Variants in LPAR4 observed in about 807,000 individuals in gnomAD.
The protein encoded by LPAR4 is lysophosphatidic acid receptor 4, also known as G-protein coupled receptor 23.
In LPAR4, 14 loss-of-function variants were observed where a neutral mutation model predicts 9.2. The observed-to-expected ratio is 1.51, with a 90% confidence interval of 1.00 to 2.37. LPAR4 has a LOEUF of 2.37. Among genes scored for constraint, LPAR4 ranks in the 30% most tolerant of loss-of-function variants. The probability of loss-of-function intolerance (pLI) is 0.00; values close to 1 mark genes in which losing one functional copy is unlikely to be tolerated. For missense variants in LPAR4, 251 were observed against 272.1 expected, an observed-to-expected ratio of 0.92 and a Z score of 0.55; for synonymous variants, 131 against 97.9, an observed-to-expected ratio of 1.34 and a Z score of -1.99.
intron 4 of LPAR4, among the ~76,000 whole-genome samples, chrX:78,753,094 C>T (rs188203310): frequency 8.9e-6 from 1 of 111,817 alleles, no homozygotes; most frequent in South Asian, 3.8e-4. Context: ...CACTCTCTGA[C>T]ACCCTTAGGT....
At chrX:78,748,773 G>T (rs932734513) in intron 1 of LPAR4, among the ~76,000 whole-genome samples, 1 of 111,614 alleles carries the variant, frequency 9.0e-6, no homozygotes, top group Non-Finnish European at 1.9e-5. Context: ...TTCAGAGCTT[G>T]GTGGGGTTAT....
At chrX:78,750,813 A>C (rs1284911847) in intron 3 of LPAR4, 21 bp downstream of exon 3, 4 of 111,057 alleles carry the variant, frequency 3.6e-5, no homozygotes, top group Non-Finnish European at 7.6e-5. Flanking sequence ...GCCAAAACAA[A>C]ATTCTCCTTT....
chrX:78,749,226 C>T (rs1257039543), intron 1 of LPAR4: 2 of 111,875 alleles, frequency 1.8e-5, no homozygotes, highest in Non-Finnish European at 3.8e-5. Context: ...GTTGCCCTTG[C>T]TGTGGTTTGT....
In LPAR4 at chrX:78,755,695, C is replaced by A; in HGVS notation, c.826C>A (p.Arg276Ser). ...NSVLFLYALV[R>S]SQAITNCFLE... ...TGTCCTCTTCTTGTATGCCCTGGTG[C>A]GCTCCCAAGCTATTACTAATTGCTT... Residue 276 changes from arginine (R) to serine (S), a missense_variant, in exon 5 of 5, where the codon CGC (arginine) becomes AGC (serine). Transcript: ENST00000614823. The A allele has an allele frequency of 8.3e-7, 1 of 1,209,507 alleles. No homozygotes were observed.
intron 4 of LPAR4, among the ~76,000 whole-genome samples, chrX:78,754,337 G>T (rs1925194061): frequency 9.0e-6 from 1 of 111,536 alleles, no homozygotes; most frequent in Admixed American, 9.5e-5. Context: ...AGGATCACTA[G>T]TGGGCAGACT....
chrX:78,754,257 A>G (rs1193570000), intron 4 of LPAR4, among the ~76,000 whole-genome samples: 1 of 111,992 alleles, frequency 8.9e-6, no homozygotes, highest in Admixed American at 9.5e-5. Context: ...GGGGAGATCT[A>G]TTTGAAATGT....
Position 78,754,967 on chromosome X carries a change from T to C in LPAR4, c.98T>C (p.Val33Ala). Residue 33 changes from valine to alanine, a missense_variant, in exon 5 of 5, where the codon GTT becomes GCT. Coordinates refer to ENST00000614823, the MANE Select transcript of LPAR4 (RefSeq NM_001278000.3). ...GNATANNTCIVDDSFKYNLNG... is the reference protein window; with the variant it reads ...GNATANNTCIADDSFKYNLNG... ...GCTACTGCCAATAATACTTGCATTGTTGATGATTCCTTCAAGTATAATCTC... is the reference window on the plus strand; with the variant it reads ...GCTACTGCCAATAATACTTGCATTGCTGATGATTCCTTCAAGTATAATCTC... The C allele has an allele frequency of 8.3e-7, 1 of 1,208,971 alleles. No homozygotes were observed. The highest frequency in any genetic ancestry group is 1.1e-6 in the Non-Finnish European group (1 of 893,071).
rs889597527 is a variant in LPAR4 at position 78,758,535 on chromosome X, A to G, written c.*2553A>G. ...TTTCACTTCTCAAATTTCCATTTTT[A>G]TAGTTAATATAAATTGCTAATAATA... On this transcript the variant is annotated 3_prime_UTR_variant, in exon 5 of 5. Coordinates refer to ENST00000614823, the MANE Select transcript of LPAR4 (RefSeq NM_001278000.3). Among the ~76,000 whole-genome samples, 1 of 111,342 alleles carries G rather than the reference A, an allele frequency of 9.0e-6. No individual in the cohort carries two copies. The highest frequency in any genetic ancestry group is 1.9e-5 in the Non-Finnish European group (1 of 52,913).
At chrX:78,754,766 A>G in intron 4 of LPAR4, 25 bp from the exon 5 acceptor site, 1 of 660,650 alleles carries the variant, frequency 1.5e-6, no homozygotes. Flanking sequence ...AAATTTGATT[A>G]TTTGTTCCAT....
In LPAR4 at chrX:78,755,802, T is replaced by C. The variant is rs1456017225; in HGVS notation, c.933T>C (p.Tyr311=). Residue 311 remains tyrosine, a synonymous_variant, in exon 5 of 5, where the codon TAT becomes TAC. Coordinates refer to ENST00000614823, the MANE Select transcript of LPAR4 (RefSeq NM_001278000.3). The part of the protein sequence containing the change: ...TLNCCFDPFI[Y]YFTLESFQKS... ...ACTGTTGTTTTGACCCTTTCATCTA[T>C]TACTTCACCCTTGAATCCTTTCAGA... 4.1e-6 allele frequency: 5 copies of C among 1,207,593 alleles called. No homozygotes were observed. In the African/African-American group the frequency reaches 8.8e-5, roughly 21 times the overall value.
At position 78,756,864 on chromosome X, in the gene LPAR4, A is replaced by T. The variant is rs1354973984; in HGVS notation, c.*882A>T. The T allele has an allele frequency of 8.2e-6, 1 of 121,812 alleles. No individual in the cohort carries two copies. Among genetic ancestry groups the T allele is most frequent in the African/African-American group, 3.3e-5 (1 of 30,477 alleles). The allele number at this position is 121,812 out of a possible 1,213,427, so 10.0% of individuals were successfully genotyped here. ...CACAGCACAGCCAGAAAGGGGCTGC[A>T]TTTGTGCCCAGGTCAGGAGCAAATT... is the stretch of plus-strand genomic sequence containing the variant. On this transcript the variant is annotated 3_prime_UTR_variant, in exon 5 of 5. Coordinates refer to ENST00000614823, the MANE Select transcript of LPAR4 (RefSeq NM_001278000.3).
chrX:78,755,094 T>C lies in LPAR4; in HGVS notation c.225T>C (p.Ala75=). Residue 75 remains alanine (A), a synonymous_variant, in exon 5 of 5, where the codon GCT becomes GCC. Transcript: ENST00000614823. Reference sequence around the variant, plus strand: ...GCATGAAAATGAGAAGTGAGACTGCTATTTTTATCACCAATCTAGCTGTCT... The same window carrying C: ...GCATGAAAATGAGAAGTGAGACTGCCATTTTTATCACCAATCTAGCTGTCT... ...CFRMKMRSET[A]IFITNLAVSD... is the part of the protein sequence containing the mutation. The C allele has an allele frequency of 8.3e-7, 1 of 1,210,536 alleles. No individual in the cohort carries two copies. The highest frequency in any genetic ancestry group is 1.1e-6 in the Non-Finnish European group (1 of 894,381).
intron 1 of LPAR4, among the ~76,000 whole-genome samples, chrX:78,749,567 A>G (rs1396797442): frequency 7.2e-5 from 8 of 111,289 alleles, no homozygotes; most frequent in Non-Finnish European, 1.3e-4. Flanking sequence ...GACCTAAACA[A>G]TTAGAGGTGA....
intron 4 of LPAR4, among the ~76,000 whole-genome samples, chrX:78,754,497 C>T (rs1037338641): frequency 8.0e-5 from 9 of 111,825 alleles, no homozygotes; most frequent in African/African-American, 2.6e-4. Flanking sequence ...TTTTGCAGTC[C>T]CATAAATGCT....
In LPAR4 at chrX:78,755,718, C is replaced by T; in HGVS notation, c.849C>T (p.Cys283=). 1 of 1,211,026 alleles carries T rather than the reference C, an allele frequency of 8.3e-7. No individual in the cohort carries two copies. The highest frequency in any genetic ancestry group is 3.0e-5 in the East Asian group (1 of 33,817). ...TGCGCTCCCAAGCTATTACTAATTG[C>T]TTTTTGGAAAGATTTGCAAAGATCA... The part of the protein sequence containing the change: ...ALVRSQAITN[C]FLERFAKIMY... The change falls in exon 5 of 5, where the codon TGC becomes TGT. Residue 283 remains cysteine (C), a synonymous_variant. Transcript: ENST00000614823.
Position 78,757,079 on chromosome X carries a change from TA to T in LPAR4, c.*1109del, listed in dbSNP as rs1182699620. On this transcript the variant is annotated 3_prime_UTR_variant, in exon 5 of 5. Coordinates refer to ENST00000614823, the MANE Select transcript of LPAR4 (RefSeq NM_001278000.3). ...TTTGTGCCCCTGGATTGGAAGCAAA[TA>T]AAAAAAAAAAACAACACATAAACTA... 178 of 88,968 alleles carry T rather than the reference TA, an allele frequency of 2.0e-3. No individual in the cohort carries two copies. Among genetic ancestry groups the T allele is most frequent in the East Asian group, 5.5e-3 (15 of 2,744 alleles). The allele number at this position is 88,968 out of a possible 1,213,427, so 7.3% of individuals were successfully genotyped here. A position where few individuals can be genotyped will look rare whatever the true frequency, so the allele number is the denominator to read the frequency against.
At chrX:78,753,115 C>T (rs969761857) in intron 4 of LPAR4, among the ~76,000 whole-genome samples, 1 of 111,520 alleles carries the variant, frequency 9.0e-6, no homozygotes, top group African/African-American at 3.3e-5. Flanking sequence ...GATTAATTGT[C>T]AGAATAATTG....
Position 78,754,811 on chromosome X carries a change from G to C in LPAR4, c.-59G>C, listed in dbSNP as rs773720738. On this transcript the variant is annotated 5_prime_UTR_variant, in exon 5 of 5. Coordinates refer to ENST00000614823, the MANE Select transcript of LPAR4 (RefSeq NM_001278000.3). The stretch of plus-strand genomic sequence containing the variant: ...CATAGGAGGAAAATATTTCCTACCG[G>C]TCCATAGTGTCAGAGTGGTGAACCC... The C allele has an allele frequency of 2.7e-5, 27 of 1,007,235 alleles. No individual in the cohort carries two copies. In the African/African-American group the frequency reaches 2.9e-4, roughly 11 times the overall value. 83.0% of individuals were successfully genotyped at this position (1,007,235 alleles called of 1,213,427 possible).
Position 78,756,739 on chromosome X carries a change from T to C in LPAR4, c.*757T>C, listed in dbSNP as rs1315486729. On this transcript the variant is annotated 3_prime_UTR_variant, in exon 5 of 5. Coordinates refer to ENST00000614823, the MANE Select transcript of LPAR4 (RefSeq NM_001278000.3). ...AACAGGAAAGTGTCAATAAAAAAAC[T>C]TGAGCAACACCAACATATTTTTTCT... The C allele has an allele frequency of 8.2e-6, 1 of 122,202 alleles. No homozygotes were observed. The highest frequency in any genetic ancestry group is 3.3e-5 in the African/African-American group (1 of 30,536). 10.1% of individuals were successfully genotyped at this position (122,202 alleles called of 1,213,427 possible).
Sources: gnomAD v4.1 joint callset for allele counts (sites outside exome capture counted in the v4.1 genomes callset) on GRCh38, gnomAD v4.1.1 for gene constraint, MANE v1.5 for transcripts, NCBI Gene and HGNC (gene_info 2026-07-23, HGNC 2026-07-21) for gene names.